DYSF: variants seen among roughly 807,000 people sequenced by gnomAD.
The protein encoded by DYSF is dysferlin.
DYSF carries 212 observed loss-of-function variants against 274.9 expected under a neutral mutation model. That is an observed-to-expected ratio of 0.77 (90% CI 0.69 to 0.86). The LOEUF (loss-of-function observed/expected upper bound fraction) is 0.86, where lower values mean the gene tolerates loss of function less well. DYSF is among the 40% of genes least tolerant of loss of function. DYSF has a pLI of 0.00. For synonymous variants in DYSF, 1,091 were observed against 1,078.7 expected, an observed-to-expected ratio of 1.01 and a Z score of -0.22; for missense variants, 2,666 against 2,783.2, an observed-to-expected ratio of 0.96 and a Z score of 0.95.
chr2:71,479,331 A>G (rs183611784), intron 1 of DYSF, among the ~76,000 whole-genome samples: 14 of 151,696 alleles, frequency 9.2e-5, no homozygotes, highest in African/African-American at 3.4e-4. Flanking sequence ...TTTTCTGTGG[A>G]TCAGTGTCTT....
At chr2:71,489,378 A>G (rs2083624112) in intron 3 of DYSF, among the ~76,000 whole-genome samples, 1 of 152,220 alleles carries the variant, frequency 6.6e-6, no homozygotes, top group African/African-American at 2.4e-5. Context: ...ATGCTGCTTT[A>G]TAGCTCAGAC....
chr2:71,513,436 C>CATATTTTTATGACAGGAAGTAGTTTTA, intron 6 of DYSF, 104 bp downstream of exon 6: 1 of 1,257,762 alleles, frequency 8.0e-7, no homozygotes. Flanking sequence ...GCAGAGGACT[C>CATATTTTTATGACAGGAAGTAGTTTTA]CTCCTGCAGG....
chr2:71,629,307 G>A (rs1387433809), intron 41 of DYSF, among the ~76,000 whole-genome samples: 4 of 152,118 alleles, frequency 2.6e-5, no homozygotes, highest in Admixed American at 6.5e-5. Flanking sequence ...CAATCTGCTT[G>A]TTTATTTTTG....
At chr2:71,636,274 TGG>T (rs973474159) in intron 41 of DYSF, among the ~76,000 whole-genome samples, 1 of 152,120 alleles carries the variant, frequency 6.6e-6, no homozygotes, top group Non-Finnish European at 1.5e-5. Context: ...ACATGGCTGT[TGG>T]GTTGAGCACG....
At chr2:71,586,389 T>G (rs1257919765) in intron 30 of DYSF, among the ~76,000 whole-genome samples, 1 of 151,922 alleles carries the variant, frequency 6.6e-6, no homozygotes, top group East Asian at 1.9e-4. Context: ...GGGTGGCAGA[T>G]GGGGTGAGGG....
intron 41 of DYSF, among the ~76,000 whole-genome samples, chr2:71,634,469 CT>C (rs1558681674): frequency 6.6e-6 from 1 of 152,138 alleles, no homozygotes; most frequent in Non-Finnish European, 1.5e-5. Context: ...GCTGTGCTAA[CT>C]TATTCCTGGA....
Position 71,646,783 on chromosome 2 carries a change from G to A in DYSF, c.4626+2720G>A, listed in dbSNP as rs564306459. On this transcript the variant is annotated intron_variant, in intron 42 of 55. Coordinates refer to ENST00000410020, the MANE Select transcript of DYSF (RefSeq NM_001130987.2). ...CTAAACTTCCCCATTAAGTGACAAGGACTCTTAGACTATATCAAAAGTCAA... is the reference window on the plus strand; with the variant it reads ...CTAAACTTCCCCATTAAGTGACAAGAACTCTTAGACTATATCAAAAGTCAA... Among the ~76,000 whole-genome samples, 148 of 152,206 alleles carry A rather than the reference G, an allele frequency of 9.7e-4. 1 individual carries two copies. Among genetic ancestry groups the A allele is most frequent in the African/African-American group, 3.3e-3 (136 of 41,550 alleles).
At chr2:71,513,993 G>C in intron 7 of DYSF, 72 bp downstream of exon 7, 1 of 1,567,744 alleles carries the variant, frequency 6.4e-7, no homozygotes. Context: ...CACCTGCCTG[G>C]TTTGTCCAGC....
In DYSF at chr2:71,598,759, G is replaced by C. The variant is rs1364869434; in HGVS notation, c.3756+14G>C. On this transcript the variant is annotated intron_variant, in intron 33 of 55. Transcript: ENST00000410020. The stretch of plus-strand genomic sequence containing the variant: ...CATGACACTTATGTGAGTCTGCCCA[G>C]CTCCTGCCTCGTCCCCTCACAGGGA... 6.2e-7 allele frequency: 1 copy of C among 1,609,842 alleles called. No homozygotes were observed. Among genetic ancestry groups the C allele is most frequent in the East Asian group, 2.2e-5 (1 of 44,884 alleles).
At chr2:71,656,076 C>G in intron 42 of DYSF, 86 bp from the exon 43 acceptor site, 1 of 1,506,478 alleles carries the variant, frequency 6.6e-7, no homozygotes, top group Non-Finnish European at 9.2e-7. Context: ...GTCATGTTTC[C>G]CCTCCTTCTC....
At chr2:71,609,047 C>T (rs7607821) in intron 36 of DYSF, among the ~76,000 whole-genome samples, 71,367 of 151,864 alleles carry the variant, frequency 0.47, 17,097 homozygotes, top group Non-Finnish European at 0.51. Context: ...AAGTGCAACC[C>T]TGTCTTTAAA....
chr2:71,527,903 C>T (rs531183532), intron 13 of DYSF, among the ~76,000 whole-genome samples: 1 of 152,132 alleles, frequency 6.6e-6, no homozygotes, highest in African/African-American at 2.4e-5. Context: ...AGGTAAATCG[C>T]TGCGCTAATA....
At chr2:71,526,425 C>CGGGGGGGGGGGGGGGGGGGTTGGGGGGGG in intron 13 of DYSF, 79 bp downstream of exon 13, 1 of 360,046 alleles carries the variant, frequency 2.8e-6, no homozygotes, top group Non-Finnish European at 5.2e-6. Flanking sequence ...CGATGGCGGG[C>CGGGGGGGGGGGGGGGGGGGTTGGGGGGGG]GGGGTCAGCT....
intron 45 of DYSF, among the ~76,000 whole-genome samples, chr2:71,662,198 C>T (rs1315556884): frequency 6.6e-6 from 1 of 152,234 alleles, no homozygotes; most frequent in Non-Finnish European, 1.5e-5. Flanking sequence ...CAGACGAACA[C>T]AACGCATGAG....
intron 16 of DYSF, 34 bp downstream of exon 16, chr2:71,535,345 C>G (rs751087569): frequency 1.2e-6 from 2 of 1,609,852 alleles, no homozygotes; most frequent in South Asian, 2.2e-5. Context: ...TTAGGGCGGG[C>G]TGTCCTGAGG....
intron 21 of DYSF, among the ~76,000 whole-genome samples, chr2:71,555,709 C>T (rs2091288062): frequency 1.3e-5 from 2 of 152,150 alleles, no homozygotes; most frequent in Admixed American, 6.5e-5. Flanking sequence ...AGTCTGCAGA[C>T]ACCCCCTGAG....
chr2:71,546,722 T>C (rs2090506518), intron 17 of DYSF, among the ~76,000 whole-genome samples: 1 of 152,222 alleles, frequency 6.6e-6, no homozygotes, highest in East Asian at 1.9e-4. Context: ...AAATCCAAAG[T>C]TAGTCTCCTT....
At chr2:71,593,125 C>CTTTTTTTT (rs35900869) in intron 32 of DYSF, among the ~76,000 whole-genome samples, 3 of 85,578 alleles carry the variant, frequency 3.5e-5, no homozygotes, top group Admixed American at 1.4e-4. Context: ...TCAGTGACTT[C>CTTTTTTTT]TTTTTTTTTT....
At position 71,539,062 on chromosome 2, in the gene DYSF, C is replaced by T. The variant is rs917586059; in HGVS notation, c.1494-95C>T. 9.2e-6 allele frequency: 10 copies of T among 1,090,664 alleles called. No individual in the cohort carries two copies. The South Asian group carries it at 1.2e-4, about 14-fold the overall frequency. 67.6% of individuals were successfully genotyped at this position (1,090,664 alleles called of 1,614,324 possible). A position where few individuals can be genotyped will look rare whatever the true frequency, so the allele number is the denominator to read the frequency against. ...GCGCTCTCTGCCTGCCCCCCGCCCC[C>T]CTGTGATGTGTAACCGAGGCCGCAT... On this transcript the variant is annotated intron_variant, in intron 16 of 55. Transcript: ENST00000410020.
Sources: gnomAD v4.1 joint callset for allele counts (sites outside exome capture counted in the v4.1 genomes callset) on GRCh38, gnomAD v4.1.1 for gene constraint, MANE v1.5 for transcripts, NCBI Gene and HGNC (gene_info 2026-07-23, HGNC 2026-07-21) for gene names.